Variants in NETO1 observed in about 807,000 individuals in gnomAD.
NETO1 encodes neuropilin and tolloid-like protein 1.
Under a neutral mutation model 61.3 loss-of-function variants are expected in NETO1, and 26 were observed. The observed-to-expected ratio is 0.42, with a 90% confidence interval of 0.31 to 0.59. The LOEUF (loss-of-function observed/expected upper bound fraction) is 0.59, where lower values mean the gene tolerates loss of function less well. NETO1 is among the 20% of genes least tolerant of loss of function. NETO1 has a pLI of 0.12. For synonymous variants in NETO1, 225 were observed against 225.8 expected, an observed-to-expected ratio of 1.00 and a Z score of 0.03; for missense variants, 531 against 662.8, an observed-to-expected ratio of 0.80 and a Z score of 2.18.
intron 6 of NETO1, among the ~76,000 whole-genome samples, chr18:72,786,191 C>T (rs2071910651): frequency 6.6e-6 from 1 of 152,134 alleles, no homozygotes; most frequent in Non-Finnish European, 1.5e-5. Context: ...ATGATAATTA[C>T]ATAGAATAGT....
At chr18:72,800,645 ATCCCCC>A (rs2072474203) in intron 4 of NETO1, among the ~76,000 whole-genome samples, 2 of 151,626 alleles carry the variant, frequency 1.3e-5, no homozygotes, top group African/African-American at 4.9e-5. Flanking sequence ...TCTGGAAACC[ATCCCCC>A]ACCCCAGCAC....
intron 7 of NETO1, among the ~76,000 whole-genome samples, chr18:72,778,945 G>T (rs951415223): frequency 6.6e-6 from 1 of 152,134 alleles, no homozygotes; most frequent in African/African-American, 2.4e-5. Context: ...TGGGCTGCTA[G>T]AACAAAATAC....
chr18:72,827,436 C>A (rs72968328), intron 4 of NETO1, among the ~76,000 whole-genome samples: 48,817 of 152,018 alleles, frequency 0.32, 8,280 homozygotes, highest in Middle Eastern at 0.39. Flanking sequence ...GTTGGAGGGA[C>A]CTGCAGTACA....
At chr18:72,852,246 G>A (rs7506243) in intron 4 of NETO1, among the ~76,000 whole-genome samples, 17,916 of 152,058 alleles carry the variant, frequency 0.12, 1,495 homozygotes, top group African/African-American at 0.23. Flanking sequence ...ATGGAGTCTC[G>A]CTCTGTGGCC....
In NETO1 at chr18:72,750,091, C is replaced by T. The variant is rs768576208; in HGVS notation, c.1512G>A (p.Arg504=). The T allele has an allele frequency of 1.9e-6, 3 of 1,604,172 alleles. No individual in the cohort carries two copies. Among genetic ancestry groups the T allele is most frequent in the Non-Finnish European group, 2.6e-6 (3 of 1,175,228 alleles). Residue 504 remains arginine, a synonymous_variant, in exon 9 of 11, where the codon AGG becomes AGA. Coordinates refer to ENST00000327305, the MANE Select transcript of NETO1 (RefSeq NM_138966.5). ...GGACGGCTTTATCGTGTCTGGACAG[C>T]CTGTGACTGGTGGTCGGCACCTCTT... The part of the protein sequence containing the change: ...EIEEVPTTSH[R]LSRHDKAVQR...
At chr18:72,807,081 T>C (rs1284387880) in intron 4 of NETO1, among the ~76,000 whole-genome samples, 1 of 152,140 alleles carries the variant, frequency 6.6e-6, no homozygotes, top group Non-Finnish European at 1.5e-5. Flanking sequence ...ATAATCATAT[T>C]GTTTTAATAC....
chr18:72,782,816 A>G (rs1437987390), intron 7 of NETO1, among the ~76,000 whole-genome samples: 4 of 152,144 alleles, frequency 2.6e-5, no homozygotes, highest in South Asian at 2.1e-4. Context: ...AAAAAAAATA[A>G]TAATAAATAC....
intron 4 of NETO1, chr18:72,834,835 G>C (rs949489578): frequency 2.6e-5 from 26 of 982,320 alleles, no homozygotes; most frequent in South Asian, 9.4e-5. Context: ...ATTTTGGGGA[G>C]AGTGGAGACT....
At chr18:72,767,773 G>A (rs1176293865) in intron 7 of NETO1, among the ~76,000 whole-genome samples, 1 of 151,966 alleles carries the variant, frequency 6.6e-6, no homozygotes, top group African/African-American at 2.4e-5. Context: ...AAAGAAATGA[G>A]GGAGGAAAGG....
At chr18:72,795,604 T>C (rs2145288812) in intron 4 of NETO1, among the ~76,000 whole-genome samples, 1 of 152,314 alleles carries the variant, frequency 6.6e-6, no homozygotes, top group East Asian at 1.9e-4. Flanking sequence ...TACTCTTTTT[T>C]TTCCATTTGA....
chr18:72,757,742 T>C (rs890609971), intron 7 of NETO1, among the ~76,000 whole-genome samples: 1 of 152,200 alleles, frequency 6.6e-6, no homozygotes, highest in African/African-American at 2.4e-5. Context: ...AAAGACCTGC[T>C]CTTTAGTAAG....
chr18:72,814,626 A>T (rs1226411193), intron 4 of NETO1, among the ~76,000 whole-genome samples: 1 of 152,150 alleles, frequency 6.6e-6, no homozygotes, highest in Non-Finnish European at 1.5e-5. Context: ...GCTCCTAAGA[A>T]ACATCTCTAA....
intron 4 of NETO1, among the ~76,000 whole-genome samples, chr18:72,833,492 G>T (rs968765932): frequency 1.3e-5 from 2 of 152,004 alleles, no homozygotes; most frequent in African/African-American, 4.8e-5. Flanking sequence ...GCCCTATTTT[G>T]AACCATGCTT....
At chr18:72,763,169 A>T (rs1412047554) in intron 7 of NETO1, among the ~76,000 whole-genome samples, 1 of 152,014 alleles carries the variant, frequency 6.6e-6, no homozygotes, top group Non-Finnish European at 1.5e-5. Context: ...GCTAAATAAT[A>T]TTCAAGAAAT....
chr18:72,763,610 C>A (rs528430220), intron 7 of NETO1, among the ~76,000 whole-genome samples: 3 of 151,640 alleles, frequency 2.0e-5, no homozygotes, highest in Non-Finnish European at 3.0e-5. Context: ...AACACACACA[C>A]CATTCACACA....
At chr18:72,821,495 G>T (rs1329455604) in intron 4 of NETO1, among the ~76,000 whole-genome samples, 2 of 150,764 alleles carry the variant, frequency 1.3e-5, no homozygotes, top group African/African-American at 4.9e-5. Context: ...AACCTAGGAG[G>T]TGGAGGTTGC....
chr18:72,828,294 G>C (rs2145364775), intron 4 of NETO1, among the ~76,000 whole-genome samples: 1 of 151,884 alleles, frequency 6.6e-6, no homozygotes, highest in Admixed American at 6.6e-5. Context: ...CTGGGCAATA[G>C]AAGAAGACTG....
In NETO1 at chr18:72,750,181, A is replaced by G; in HGVS notation, c.1422T>C (p.Asn474=). The change falls in exon 9 of 11, where the codon AAT becomes AAC. Residue 474 remains asparagine, a synonymous_variant. Coordinates refer to ENST00000327305, the MANE Select transcript of NETO1 (RefSeq NM_138966.5). ...AGTAGCTGTGTTTCATGACAAGGATATTTCTTCTGTTCATGGGTGGGATGA... is the reference window on the plus strand; with the variant it reads ...AGTAGCTGTGTTTCATGACAAGGATGTTTCTTCTGTTCATGGGTGGGATGA... ...KPLIPPMNRR[N]ILVMKHSYSQ... 1 of 1,613,932 alleles carries G rather than the reference A, an allele frequency of 6.2e-7. No individual in the cohort carries two copies. The highest frequency in any genetic ancestry group is 8.5e-7 in the Non-Finnish European group (1 of 1,179,954).
At chr18:72,802,057 A>G (rs947728563) in intron 4 of NETO1, among the ~76,000 whole-genome samples, 1 of 152,182 alleles carries the variant, frequency 6.6e-6, no homozygotes, top group Non-Finnish European at 1.5e-5. Context: ...CTTTTCCTCC[A>G]CTTTATAGAT....
Sources: allele counts gnomAD v4.1 joint callset (sites outside exome capture counted in the v4.1 genomes callset), GRCh38; gene constraint gnomAD v4.1.1; transcripts MANE v1.5; gene names NCBI Gene and HGNC (gene_info 2026-07-23, HGNC 2026-07-21).